ZNF609: variants seen among roughly 807,000 people sequenced by gnomAD.
The protein encoded by ZNF609 is zinc finger protein 609.
Under a neutral mutation model 109.5 loss-of-function variants are expected in ZNF609, and 11 were observed. The ratio of observed to expected loss-of-function variants is 0.10; its 90% CI spans 0.06 to 0.17. The LOEUF (loss-of-function observed/expected upper bound fraction) is 0.17. Ranked by LOEUF, ZNF609 falls within the 10% of genes least tolerant of loss-of-function variation. The pLI is 1.00. For synonymous variants in ZNF609, 646 were observed against 662.0 expected, an observed-to-expected ratio of 0.98 and a Z score of 0.37; for missense variants, 1,559 against 1,772.4, an observed-to-expected ratio of 0.88 and a Z score of 2.16.
intron 3 of ZNF609, among the ~76,000 whole-genome samples, chr15:64,667,360 A>G (rs564647186): frequency 6.6e-6 from 1 of 152,168 alleles, no homozygotes; most frequent in Non-Finnish European, 1.5e-5. Flanking sequence ...GCCGTAGACA[A>G]ACAAAAGCTA....
intron 2 of ZNF609, among the ~76,000 whole-genome samples, chr15:64,555,198 C>T (rs1894559192): frequency 6.6e-6 from 1 of 152,046 alleles, no homozygotes; most frequent in Non-Finnish European, 1.5e-5. Context: ...TACCTCATCT[C>T]TACAAAAAAT....
chr15:64,577,131 T>C (rs570467112), intron 2 of ZNF609, among the ~76,000 whole-genome samples: 16 of 75,176 alleles, frequency 2.1e-4, no homozygotes, highest in Middle Eastern at 0.014. Flanking sequence ...TGTGTATATA[T>C]ACACACAAAT....
At chr15:64,495,975 C>T (rs1893477144) in intron 1 of ZNF609, among the ~76,000 whole-genome samples, 2 of 152,038 alleles carry the variant, frequency 1.3e-5, no homozygotes, top group African/African-American at 4.8e-5. Context: ...CATGCCACCA[C>T]ACCCAGCTAA....
chr15:64,524,123 A>G (rs553206142), intron 2 of ZNF609, among the ~76,000 whole-genome samples: 4 of 151,108 alleles, frequency 2.6e-5, no homozygotes, highest in Admixed American at 6.6e-5. Context: ...CAAACTGTGT[A>G]CCCATCACAT....
At chr15:64,501,163 A>T (rs1484357352) in intron 2 of ZNF609, 1 of 152,034 alleles carries the variant, frequency 6.6e-6, no homozygotes, top group African/African-American at 2.4e-5. Flanking sequence ...CTTTCAGCTG[A>T]TCCCAGCAGA....
chr15:64,559,990 T>C (rs1894650493), intron 2 of ZNF609, among the ~76,000 whole-genome samples: 1 of 152,086 alleles, frequency 6.6e-6, no homozygotes, highest in Non-Finnish European at 1.5e-5. Flanking sequence ...ATCAGATGAG[T>C]TGTTATACCT....
chr15:64,669,073 A>G lies in ZNF609; in HGVS notation c.974-1273A>G, dbSNP rs1595758479. Among the ~76,000 whole-genome samples, 3 of 152,178 alleles carry G rather than the reference A, an allele frequency of 2.0e-5. No homozygotes were observed. In the East Asian group the frequency reaches 5.8e-4, roughly 29 times the overall value. On this transcript the variant is annotated intron_variant, in intron 3 of 9. Transcript: ENST00000326648. ...AATGAGAACATCATGTTGCCAAAGG[A>G]AAAGGGCAAGAGGTATTCATGGGCT...
intron 2 of ZNF609, among the ~76,000 whole-genome samples, chr15:64,519,742 A>G (rs1181172863): frequency 6.6e-6 from 1 of 152,056 alleles, no homozygotes; most frequent in Non-Finnish European, 1.5e-5. Context: ...CCTAATTTTC[A>G]GTTATTTAAA....
chr15:64,516,269 C>G (rs1595704940), intron 2 of ZNF609, among the ~76,000 whole-genome samples: 1 of 152,172 alleles, frequency 6.6e-6, no homozygotes, highest in East Asian at 1.9e-4. Context: ...CCCTGCCCCC[C>G]TGGAGTATAT....
intron 3 of ZNF609, among the ~76,000 whole-genome samples, chr15:64,626,658 T>G (rs2140976872): frequency 6.6e-6 from 1 of 152,276 alleles, no homozygotes; most frequent in East Asian, 1.9e-4. Flanking sequence ...CCTCAATTAT[T>G]CCTAGTTTCT....
In ZNF609 at chr15:64,553,554, TTTTAA is replaced by T. The variant is rs200844542; in HGVS notation, c.747+53393_747+53397del. Among the ~76,000 whole-genome samples the T allele has an allele frequency of 8.4e-3, 1,275 of 151,330 alleles. 20 individuals carry two copies. The highest frequency in any genetic ancestry group is 0.03 in the African/African-American group (1,224 of 41,484). ...GAATGTTTACGTAATAATTTTTTAA[TTTTAA>T]TTTATTTTTTAATTTTATTTTTTAT... On this transcript the variant is annotated intron_variant, in intron 2 of 9. Transcript: ENST00000326648.
chr15:64,632,846 G>A (rs988823063), intron 3 of ZNF609, among the ~76,000 whole-genome samples: 1 of 143,560 alleles, frequency 7.0e-6, no homozygotes, highest in African/African-American at 2.8e-5. Context: ...GTGATCAGTG[G>A]TGTGATCATG....
At chr15:64,488,337 G>A (rs984274903) in intron 1 of ZNF609, among the ~76,000 whole-genome samples, 1 of 152,164 alleles carries the variant, frequency 6.6e-6, no homozygotes, top group Non-Finnish European at 1.5e-5. Context: ...GCTCATTGAG[G>A]AGAACAGTGT....
rs766800988 is a variant in ZNF609, at chr15:64,675,812, C to T, written c.2958C>T (p.Ser986=). The change falls in exon 5 of 10, where the codon AGC becomes AGT. Residue 986 remains serine, a synonymous_variant. Transcript: ENST00000326648. ...QYAYVPPYGY[S]DQSYHTHLLS... ...CCTATGTACCCCCCTATGGCTACAG[C>T]GACCAGAGTTACCACACCCACCTTC... 3.7e-6 allele frequency: 6 copies of T among 1,614,198 alleles called. No homozygotes were observed. Among genetic ancestry groups the T allele is most frequent in the Non-Finnish European group, 5.1e-6 (6 of 1,180,026 alleles).
intron 3 of ZNF609, among the ~76,000 whole-genome samples, chr15:64,628,281 A>G (rs1233126117): frequency 1.3e-5 from 2 of 152,056 alleles, no homozygotes; most frequent in African/African-American, 4.8e-5. Flanking sequence ...AGGCTGGGTG[A>G]CGGAGTGAGA....
At chr15:64,469,036 T>TAAAAAAAA (rs34593010) in intron 1 of ZNF609, among the ~76,000 whole-genome samples, 1 of 60,760 alleles carries the variant, frequency 1.6e-5, no homozygotes, top group African/African-American at 6.7e-5. Flanking sequence ...CCTCATATCT[T>TAAAAAAAA]AAAAAAAAAA....
At chr15:64,657,349 CTCACACCTGTAATCCCAGCACTT>C (rs1296066506) in intron 3 of ZNF609, among the ~76,000 whole-genome samples, 1 of 151,974 alleles carries the variant, frequency 6.6e-6, no homozygotes, top group East Asian at 1.9e-4. Flanking sequence ...TGCATGGTGG[CTCACACCTGTAATCCCAGCACTT>C]TGGGAGGCCA....
In ZNF609 at chr15:64,674,960, G is replaced by A; in HGVS notation, c.2106G>A (p.Lys702=). ...AQAMPNSPQL[K]PIQPKPTVMG... is the part of the protein sequence containing the mutation. ...CCATGCCCAACAGTCCCCAACTCAA[G>A]CCCATTCAGCCCAAGCCCACTGTTA... is the stretch of plus-strand genomic sequence containing the variant. Residue 702 remains lysine, a synonymous_variant, in exon 5 of 10, where the codon AAG becomes AAA. Coordinates refer to ENST00000326648, the MANE Select transcript of ZNF609 (RefSeq NM_015042.2). The A allele has an allele frequency of 1.2e-6, 2 of 1,613,984 alleles. No homozygotes were observed. Among genetic ancestry groups the A allele is most frequent in the African/African-American group, 2.7e-5 (2 of 75,002 alleles).
chr15:64,475,420 G>A (rs1436110899), intron 1 of ZNF609, among the ~76,000 whole-genome samples: 1 of 125,672 alleles, frequency 8.0e-6, no homozygotes, highest in Non-Finnish European at 1.6e-5. Context: ...TTGAGACGGA[G>A]TCTTACTCTG....
Sources: allele counts gnomAD v4.1 joint callset (sites outside exome capture counted in the v4.1 genomes callset), GRCh38; gene constraint gnomAD v4.1.1; transcripts MANE v1.5; gene names NCBI Gene and HGNC (gene_info 2026-07-23, HGNC 2026-07-21).